KAZN: variants seen among roughly 807,000 people sequenced by gnomAD.
KAZN encodes the protein kazrin, periplakin interacting protein.
A neutral mutation model predicts 87.4 loss-of-function variants in KAZN; 40 were observed. The observed-to-expected ratio is 0.46, with a 90% confidence interval of 0.36 to 0.60. KAZN has a LOEUF of 0.60. Among genes scored for constraint, KAZN ranks in the 20% least tolerant of loss-of-function variants. The probability of loss-of-function intolerance (pLI) is 0.00; values close to 1 mark genes in which losing one functional copy is unlikely to be tolerated. For missense variants in KAZN, 898 were observed against 1,073.9 expected (o/e 0.84, Z 2.29); for synonymous variants, 466 against 458.3 (o/e 1.02, Z -0.22).
At chr1:13,930,565 G>A (rs1640471651) in intron 1 of KAZN, among the ~76,000 whole-genome samples, 1 of 152,118 alleles carries the variant, frequency 6.6e-6, no homozygotes, top group African/African-American at 2.4e-5. Flanking sequence ...ACTATGTGGT[G>A]CTGTGCTAGG....
intron 4 of KAZN, among the ~76,000 whole-genome samples, chr1:15,055,693 T>C (rs757553336): frequency 1.3e-5 from 2 of 152,274 alleles, no homozygotes; most frequent in Non-Finnish European, 2.9e-5. Context: ...GATCCCACTA[T>C]ATAAGATGGG....
At chr1:14,520,904 G>T (rs1042560199) in intron 2 of KAZN, among the ~76,000 whole-genome samples, 2 of 152,212 alleles carry the variant, frequency 1.3e-5, no homozygotes, top group Non-Finnish European at 2.9e-5. Context: ...CATCCATCCA[G>T]CTCCATTCCC....
At chr1:14,238,348 G>A (rs1185456107) in intron 2 of KAZN, among the ~76,000 whole-genome samples, 1 of 152,186 alleles carries the variant, frequency 6.6e-6, no homozygotes, top group Non-Finnish European at 1.5e-5. Flanking sequence ...AGAAACATGT[G>A]AGACCCACTG....
At chr1:14,108,314 A>G (rs1644424531) in intron 1 of KAZN, among the ~76,000 whole-genome samples, 1 of 152,114 alleles carries the variant, frequency 6.6e-6, no homozygotes, top group Admixed American at 6.5e-5. Flanking sequence ...AGCCCGTACT[A>G]TAGAAGAGTA....
intron 2 of KAZN, among the ~76,000 whole-genome samples, chr1:14,360,258 C>T (rs1222026926): frequency 1.3e-5 from 2 of 152,064 alleles, no homozygotes; most frequent in Non-Finnish European, 2.9e-5. Flanking sequence ...GTATGATTCT[C>T]GAAGTACTTG....
At position 14,953,106 on chromosome 1, in the gene KAZN, G is replaced by A. The variant is rs1049545978; in HGVS notation, c.227-7578G>A. Among the ~76,000 whole-genome samples the A allele has an allele frequency of 1.2e-4, 19 of 152,340 alleles. 1 individual carries two copies. The highest frequency in any genetic ancestry group is 4.1e-4 in the African/African-American group (17 of 41,582). On this transcript the variant is annotated intron_variant, in intron 1 of 14. Coordinates refer to ENST00000376030, the MANE Select transcript of KAZN (RefSeq NM_201628.3). Reference sequence around the variant, plus strand: ...AGAACACGGCACAGAGCATGGTGTCGGGTGTTGGGTGTGAGCAGAACAGAG... The same window carrying A: ...AGAACACGGCACAGAGCATGGTGTCAGGTGTTGGGTGTGAGCAGAACAGAG...
At chr1:14,251,129 TGGGGTCTTCCTCATTCCA>T (rs1033767995) in intron 2 of KAZN, among the ~76,000 whole-genome samples, 1 of 152,208 alleles carries the variant, frequency 6.6e-6, no homozygotes, top group African/African-American at 2.4e-5. Context: ...AGCCTAATTC[TGGGGTCTTCCTCATTCCA>T]GGGTTCTCAG....
At position 14,243,690 on chromosome 1, in the gene KAZN, T is replaced by C. The variant is rs142115251; in HGVS notation, c.249+63098T>C. 2.6e-5 allele frequency among the ~76,000 whole-genome samples: 4 copies of C among 152,316 alleles called. No homozygotes were observed. In the East Asian group the frequency reaches 7.7e-4, roughly 29 times the overall value. On this transcript the variant is annotated intron_variant, in intron 2 of 16. Coordinates refer to the KAZN transcript ENST00000636203. ...CAAACAAATAAATAATAAAAGAATT[T>C]GCCTGCTCTATGAAACAGTTTGCAA...
intron 2 of KAZN, among the ~76,000 whole-genome samples, chr1:14,565,676 A>G (rs991683534): frequency 6.6e-6 from 1 of 152,298 alleles, no homozygotes; most frequent in Non-Finnish European, 1.5e-5. Flanking sequence ...TTATCAACTA[A>G]GTTTATGTAA....
At chr1:15,055,666 A>G (rs1441936359) in intron 4 of KAZN, among the ~76,000 whole-genome samples, 3 of 152,120 alleles carry the variant, frequency 2.0e-5, no homozygotes, top group African/African-American at 7.2e-5. Context: ...AAATTACTCC[A>G]CCATTCGGAA....
chr1:14,298,986 G>A (rs1654333270), intron 2 of KAZN, among the ~76,000 whole-genome samples: 1 of 152,222 alleles, frequency 6.6e-6, no homozygotes, highest in Non-Finnish European at 1.5e-5. Context: ...TGTGTTGCCT[G>A]TGCCGTTAGG....
intron 2 of KAZN, among the ~76,000 whole-genome samples, chr1:14,314,119 C>T (rs935844407): frequency 6.6e-6 from 1 of 152,094 alleles, no homozygotes; most frequent in Non-Finnish European, 1.5e-5. Context: ...CTATTTCTTT[C>T]CACATCTTTA....
At chr1:13,909,821 C>T (rs553770455) in intron 1 of KAZN, among the ~76,000 whole-genome samples, 17 of 152,166 alleles carry the variant, frequency 1.1e-4, no homozygotes, top group Middle Eastern at 3.4e-3. Context: ...TAATCTGTAG[C>T]GGTGGAAATG....
At chr1:14,821,081 A>C (rs1646724771) in intron 1 of KAZN, among the ~76,000 whole-genome samples, 1 of 152,194 alleles carries the variant, frequency 6.6e-6, no homozygotes, top group South Asian at 2.1e-4. Context: ...TCAAAATAGT[A>C]GAGGCTGGAA....
Position 14,907,305 on chromosome 1 carries a change from G to A in KAZN, c.227-53379G>A, listed in dbSNP as rs142597277. Among the ~76,000 whole-genome samples the A allele has an allele frequency of 1.9e-3, 295 of 151,888 alleles. 1 individual carries two copies. The highest frequency in any genetic ancestry group is 6.7e-3 in the African/African-American group (279 of 41,416). ...TAGTCCCAGCTACTCAGGAGGCTGC[G>A]GTGGGAAGATTGCTTGAACCCAGGA... On this transcript the variant is annotated intron_variant, in intron 1 of 14. Coordinates refer to ENST00000376030, the MANE Select transcript of KAZN (RefSeq NM_201628.3).
At chr1:14,314,259 C>A (rs1357630326) in intron 2 of KAZN, among the ~76,000 whole-genome samples, 6 of 152,156 alleles carry the variant, frequency 3.9e-5, no homozygotes, top group Admixed American at 3.9e-4. Context: ...GATCTTGCAA[C>A]ACCTACTGTG....
intron 1 of KAZN, among the ~76,000 whole-genome samples, chr1:14,147,186 G>T (rs1348217304): frequency 6.6e-6 from 1 of 152,112 alleles, no homozygotes; most frequent in Non-Finnish European, 1.5e-5. Flanking sequence ...ATTAATAAAT[G>T]ATAACATTCT....
chr1:14,173,718 T>A (rs12563336), intron 1 of KAZN, among the ~76,000 whole-genome samples: 18,634 of 145,568 alleles, frequency 0.13, 1,277 homozygotes, highest in East Asian at 0.36. Context: ...TCCATCAAAT[T>A]GTCCTGAGAT....
intron 2 of KAZN, among the ~76,000 whole-genome samples, chr1:14,439,198 A>G (rs564979556): frequency 1.3e-5 from 2 of 152,138 alleles, no homozygotes; most frequent in Non-Finnish European, 2.9e-5. Context: ...CTGACCACAG[A>G]TTTCCAGCTG....
Sources: allele counts gnomAD v4.1 joint callset (sites outside exome capture counted in the v4.1 genomes callset), GRCh38; gene constraint gnomAD v4.1.1; transcripts MANE v1.5; gene names NCBI Gene and HGNC (gene_info 2026-07-23, HGNC 2026-07-21).